Variants in VCP observed in about 807,000 individuals in gnomAD.
The protein encoded by VCP is valosin containing protein.
A neutral mutation model predicts 85.7 loss-of-function variants in VCP; 6 were observed. The ratio of observed to expected loss-of-function variants is 0.07; its 90% CI spans 0.04 to 0.14. The LOEUF is 0.14. Among genes scored for constraint, VCP ranks in the 10% least tolerant of loss-of-function variants. The probability of loss-of-function intolerance (pLI) is 1.00; values close to 1 mark genes in which losing one functional copy is unlikely to be tolerated. For missense variants in VCP, 353 were observed against 1,043.4 expected (o/e 0.34, Z 9.12); for synonymous variants, 384 against 367.1 (o/e 1.05, Z -0.53).
Position 35,072,330 on chromosome 9 carries a change from C to T in VCP, c.17+7G>A. On this transcript the variant is annotated splice_region_variant and intron_variant, in intron 1 of 16. Coordinates refer to ENST00000358901, the MANE Select transcript of VCP (RefSeq NM_007126.5). ...CCGCAGCAAGCGAACGGCGCGCGCA[C>T]ACTCACTCGGCTCCAGAAGCCATGG... is the stretch of plus-strand genomic sequence containing the variant. The T allele has an allele frequency of 6.7e-7, 1 of 1,487,736 alleles. No homozygotes were observed. The highest frequency in any genetic ancestry group is 8.9e-7 in the Non-Finnish European group (1 of 1,126,956). The allele number at this position is 1,487,736 out of a possible 1,614,324, so 92.2% of individuals were successfully genotyped here.
At chr9:35,071,811 G>A (rs1326745754) in intron 1 of VCP, 2 of 989,228 alleles carry the variant, frequency 2.0e-6, no homozygotes, top group Admixed American at 6.1e-5. Context: ...CCCTGAGCTC[G>A]GCGGGCCTTC....
chr9:35,069,578 G>A (rs999219651), intron 1 of VCP, among the ~76,000 whole-genome samples: 87 of 151,136 alleles, frequency 5.8e-4, no homozygotes, highest in African/African-American at 1.9e-3. Context: ...TCAGCCTCCC[G>A]AGTAGCTGGG....
At chr9:35,065,074 C>T (rs1828800664) in intron 5 of VCP, among the ~76,000 whole-genome samples, 177 bp downstream of exon 5, 1 of 152,064 alleles carries the variant, frequency 6.6e-6, no homozygotes, top group Admixed American at 6.6e-5. Flanking sequence ...CACCATGTTG[C>T]CCAGGCTGGT....
intron 4 of VCP, among the ~76,000 whole-genome samples, chr9:35,066,473 C>T (rs565603593): frequency 4.6e-5 from 7 of 151,332 alleles, no homozygotes; most frequent in East Asian, 2.0e-4. Flanking sequence ...GTGATCCACC[C>T]GCCTCAGCCT....
At chr9:35,066,579 AT>A (rs1030893590) in intron 4 of VCP, 95 bp downstream of exon 4, 3 of 1,384,586 alleles carry the variant, frequency 2.2e-6, no homozygotes, top group East Asian at 4.9e-5. Flanking sequence ...AGCATAAAAG[AT>A]TTAAAAAAAA....
At position 35,056,105 on chromosome 9, in the gene VCP, A is replaced by G. The variant is rs1281199221; in HGVS notation, c.*1012T>C. The G allele has an allele frequency of 2.0e-5, 3 of 151,906 alleles. No individual in the cohort carries two copies. Among genetic ancestry groups the G allele is most frequent in the Admixed American group, 1.3e-4 (2 of 15,252 alleles). 9.4% of individuals were successfully genotyped at this position (151,906 alleles called of 1,614,324 possible). A position where few individuals can be genotyped will look rare whatever the true frequency, so the allele number is the denominator to read the frequency against. On this transcript the variant is annotated 3_prime_UTR_variant, in exon 17 of 17. Transcript: ENST00000358901. ...AGTTTTTTTTTTTTAATCAAAGTAC[A>G]TAAAATAAAGGTGGACACAACTGTA...
intron 12 of VCP, 72 bp from the exon 13 acceptor site, chr9:35,060,597 C>A: frequency 6.5e-7 from 1 of 1,549,934 alleles, no homozygotes; most frequent in Non-Finnish European, 8.9e-7. Context: ...ACAGAAGCAT[C>A]CCCTCCATTA....
At chr9:35,063,978 A>C (rs1828779065) in intron 6 of VCP, among the ~76,000 whole-genome samples, 176 bp downstream of exon 6, 1 of 152,258 alleles carries the variant, frequency 6.6e-6, no homozygotes, top group African/African-American at 2.4e-5. Flanking sequence ...CTCTGGTTTT[A>C]GACCATCAGC....
rs2258240 is a variant in VCP at position 35,060,958 on chromosome 9, T to C, written c.1360-35A>G. On this transcript the variant is annotated intron_variant, in intron 11 of 16. Coordinates refer to ENST00000358901, the MANE Select transcript of VCP (RefSeq NM_007126.5). ...GAGGGAAAACTGGGGATGAGACTTA[T>C]CAAGGGAGGGGTCAAAGCACGTATG... is the stretch of plus-strand genomic sequence containing the variant. 1,235,176 of 1,613,946 alleles carry C rather than the reference T, an allele frequency of 0.77. 475,673 individuals are homozygous for C. Among genetic ancestry groups the C allele is most frequent in the Admixed American group, 0.83 (49,777 of 60,014 alleles).
Position 35,059,824 on chromosome 9 carries a change from C to T in VCP, c.1696-23G>A, listed in dbSNP as rs910037459. 1.2e-6 allele frequency: 2 copies of T among 1,614,042 alleles called. No individual in the cohort carries two copies. Among genetic ancestry groups the T allele is most frequent in the Admixed American group, 1.7e-5 (1 of 60,004 alleles). On this transcript the variant is annotated intron_variant, in intron 13 of 16. Coordinates refer to ENST00000358901, the MANE Select transcript of VCP (RefSeq NM_007126.5). This position sits in a 1 kb window ranked among gnomAD's most constrained non-coding sequence, Gnocchi z 4.9. ...GGCCTGTAGGAGGAATGGATTGATT[C>T]AAGCACTAACAAAACTAGATGTCTC...
rs200357034 is a variant in VCP at position 35,065,410 on chromosome 9, T to C, written c.446-29A>G. ...CGAGAGCAAACAGTACAAGCACAGT[T>C]AGAGGTGTCAACTACAAGACAAAGT... On this transcript the variant is annotated intron_variant, in intron 4 of 16. Transcript: ENST00000358901. 109 of 1,613,810 alleles carry C rather than the reference T, an allele frequency of 6.8e-5. No individual in the cohort carries two copies. The East Asian group carries it at 1.1e-3, about 17-fold the overall frequency.
In VCP at chr9:35,072,527, C is replaced by T. The variant is rs1296316751; in HGVS notation, c.-174G>A. The T allele has an allele frequency of 3.8e-6, 3 of 794,458 alleles. No individual in the cohort carries two copies. Among genetic ancestry groups the T allele is most frequent in the South Asian group, 2.5e-5 (1 of 40,734 alleles). 49.2% of individuals were successfully genotyped at this position (794,458 alleles called of 1,614,324 possible). ...CTCCCACCGGCAGCGAGGCGTCGGG[C>T]GAACAACGCTGGCTCCTGATCCGCG... On this transcript the variant is annotated 5_prime_UTR_variant, in exon 1 of 17. Transcript: ENST00000358901.
chr9:35,069,112 T>C (rs1447108789), intron 1 of VCP, among the ~76,000 whole-genome samples: 2 of 152,106 alleles, frequency 1.3e-5, no homozygotes, highest in Non-Finnish European at 2.9e-5. Context: ...GGGCATTCCA[T>C]AGTACCAAAG....
rs1227043333 is a variant in VCP at position 35,057,062 on chromosome 9, C to G, written c.*55G>C. The G allele has an allele frequency of 6.3e-7, 1 of 1,589,488 alleles. No individual in the cohort carries two copies. Among genetic ancestry groups the G allele is most frequent in the East Asian group, 2.2e-5 (1 of 44,776 alleles). ...TCCCTCTCCTGGGCAAGCGCCCCCA[C>G]CCCCAGGGAACAAGGTCCAGGCAGG... is the stretch of plus-strand genomic sequence containing the variant. On this transcript the variant is annotated 3_prime_UTR_variant, in exon 17 of 17. Coordinates refer to ENST00000358901, the MANE Select transcript of VCP (RefSeq NM_007126.5).
rs184152880 is a variant in VCP at position 35,072,620 on chromosome 9, G to A, written c.-267C>T. On this transcript the variant is annotated 5_prime_UTR_variant, in exon 1 of 17. Transcript: ENST00000358901. ...AAACGACGGTCGCAGACGCTTCGCT[G>A]AGACTGAGCCGAGAAGAGCCGAATC... 504 of 463,996 alleles carry A rather than the reference G, an allele frequency of 1.1e-3. No individual in the cohort carries two copies. The highest frequency in any genetic ancestry group is 7.1e-3 in the African/African-American group (345 of 48,376). 28.7% of individuals were successfully genotyped at this position (463,996 alleles called of 1,614,324 possible). A position where few individuals can be genotyped will look rare whatever the true frequency, so the allele number is the denominator to read the frequency against.
chr9:35,067,822 T>C (rs1828862442), intron 3 of VCP, 69 bp downstream of exon 3: 3 of 1,598,916 alleles, frequency 1.9e-6, no homozygotes, highest in African/African-American at 1.3e-5. Flanking sequence ...CTGTAATACA[T>C]GGGTCCTGCC....
chr9:35,066,182 G>A (rs959256351), intron 4 of VCP, among the ~76,000 whole-genome samples: 1 of 151,700 alleles, frequency 6.6e-6, no homozygotes, highest in Non-Finnish European at 1.5e-5. Flanking sequence ...TGTAATCCCA[G>A]CACTTTGGGA....
chr9:35,071,852 G>C (rs1828953838), intron 1 of VCP: 1 of 990,168 alleles, frequency 1.0e-6, no homozygotes, highest in African/African-American at 1.7e-5. Context: ...CGGTGGCAGA[G>C]CTCCTGAGGC....
rs552253223 is a variant in VCP, at chr9:35,065,508, C to T, written c.446-127G>A. ...TGCCCTTCATTAGATATTGCCCTAC[C>T]TCTCCCCAACTCCACCCCACCTGTC... is the stretch of plus-strand genomic sequence containing the variant. On this transcript the variant is annotated intron_variant, in intron 4 of 16. Transcript: ENST00000358901. 23 of 1,210,784 alleles carry T rather than the reference C, an allele frequency of 1.9e-5. No individual in the cohort carries two copies. The East Asian group carries it at 4.8e-4, about 25-fold the overall frequency. 75.0% of individuals were successfully genotyped at this position (1,210,784 alleles called of 1,614,324 possible). A position where few individuals can be genotyped will look rare whatever the true frequency, so the allele number is the denominator to read the frequency against.
Sources: gnomAD v4.1 joint callset for allele counts (sites outside exome capture counted in the v4.1 genomes callset) on GRCh38, gnomAD v4.1.1 for gene constraint, Gnocchi (gnomAD v3.1) non-coding constraint, MANE v1.5 for transcripts, NCBI Gene and HGNC (gene_info 2026-07-23, HGNC 2026-07-21) for gene names.